Variants in THADA observed in about 807,000 individuals in gnomAD.
THADA encodes THADA armadillo repeat containing.
In THADA, 213 loss-of-function variants were observed where a neutral mutation model predicts 219.8. The observed-to-expected ratio is 0.97, with a 90% CI of 0.87 to 1.09. The LOEUF is 1.09. Ranked by LOEUF, THADA falls within the 50% of genes least tolerant of loss-of-function variation. THADA has a pLI of 0.00. For synonymous variants in THADA, 1,018 were observed against 828.9 expected, an observed-to-expected ratio of 1.23 and a Z score of -3.92; for missense variants, 2,956 against 2,311.3, an observed-to-expected ratio of 1.28 and a Z score of -5.72.
chr2:43,550,507 T>C (rs557607830), intron 19 of THADA, among the ~76,000 whole-genome samples: 5 of 152,284 alleles, frequency 3.3e-5, no homozygotes, highest in South Asian at 4.2e-4. Flanking sequence ...CAGGGGAGAC[T>C]TTCCTCATGC....
chr2:43,264,775 C>G (rs1356216832), intron 36 of THADA, among the ~76,000 whole-genome samples: 1 of 152,156 alleles, frequency 6.6e-6, no homozygotes, highest in Non-Finnish European at 1.5e-5. Context: ...AGGGTTAGAA[C>G]TAGCTGGAGA....
intron 23 of THADA, among the ~76,000 whole-genome samples, chr2:43,506,842 G>A (rs545794090): frequency 3.5e-4 from 54 of 152,232 alleles, no homozygotes; most frequent in African/African-American, 1.3e-3. Flanking sequence ...AAAGTTACAA[G>A]TTAGTTAGCT....
At chr2:43,366,869 G>C (rs1041599292) in intron 29 of THADA, among the ~76,000 whole-genome samples, 1 of 152,156 alleles carries the variant, frequency 6.6e-6, no homozygotes, top group Non-Finnish European at 1.5e-5. Context: ...ACAGCAGATT[G>C]TACAGCCATG....
rs558731311 is a variant in THADA, at chr2:43,503,293, C to T, written c.3621+2329G>A. Among the ~76,000 whole-genome samples the T allele has an allele frequency of 1.9e-3, 294 of 152,098 alleles. 4 individuals carry two copies. The highest frequency in any genetic ancestry group is 2.3e-3 in the Non-Finnish European group (157 of 67,974). ...CAGCATTGTTTGTAATAGAAGAAAA[C>T]GGGAAACAACCTAAATGTCCATTCA... On this transcript the variant is annotated intron_variant, in intron 24 of 37. Transcript: ENST00000405975.
At chr2:43,296,858 C>T (rs1430976054) in intron 31 of THADA, among the ~76,000 whole-genome samples, 2 of 146,990 alleles carry the variant, frequency 1.4e-5, no homozygotes, top group Non-Finnish European at 3.0e-5. Flanking sequence ...CGGGAGGCAG[C>T]GGCTGGAGGA....
chr2:43,535,167 C>A (rs1694395680), intron 21 of THADA, among the ~76,000 whole-genome samples: 1 of 115,510 alleles, frequency 8.7e-6, no homozygotes, highest in African/African-American at 3.6e-5. Context: ...GATCATTTGT[C>A]CTTTTTTTTT....
At position 43,574,735 on chromosome 2, in the gene THADA, G is replaced by C; in HGVS notation, c.1330C>G (p.Leu444Val). Residue 444 changes from leucine to valine, a missense_variant, in exon 11 of 38, where the codon CTT (leucine) becomes GTT (valine). Leu to Val is a conservative substitution (Grantham distance 32). Coordinates refer to ENST00000405975, the MANE Select transcript of THADA (RefSeq NM_022065.5). ...DPFFVELTES[L>V]LRLEWHIKGK... ...TTAATATGCCATTCCAATCGTAAAA[G>C]ACTCTCAGTCAATTCCACAAAGAAA... The C allele has an allele frequency of 6.2e-7, 1 of 1,614,026 alleles. No homozygotes were observed. Among genetic ancestry groups the C allele is most frequent in the East Asian group, 2.2e-5 (1 of 44,886 alleles).
intron 7 of THADA, among the ~76,000 whole-genome samples, chr2:43,585,562 AGATAGATAGATAGAT>A (rs1291901628): frequency 2.6e-4 from 40 of 151,322 alleles, no homozygotes; most frequent in African/African-American, 7.8e-4. Context: ...ATAGATAGAT[AGATAGATAGATAGAT>A]AGAAAGAAAT....
chr2:43,266,573 A>G (rs918550941), intron 36 of THADA, among the ~76,000 whole-genome samples: 2 of 152,214 alleles, frequency 1.3e-5, no homozygotes, highest in Admixed American at 6.5e-5. Flanking sequence ...ACTGCACTCC[A>G]GCCTGGGCGA....
Position 43,508,613 on chromosome 2 carries a change from T to A in THADA, c.3507+35A>T, listed in dbSNP as rs189179960. The A allele has an allele frequency of 6.1e-4, 982 of 1,601,648 alleles. 2 individuals are homozygous for A. The highest frequency in any genetic ancestry group is 1.2e-3 in the South Asian group (104 of 89,454). On this transcript the variant is annotated intron_variant, in intron 23 of 37. Coordinates refer to ENST00000405975, the MANE Select transcript of THADA (RefSeq NM_022065.5). ...GGATACACTATCATCAAAAGACAAA[T>A]ATAAACAAACAGCTAGGGTCCTACA...
intron 22 of THADA, among the ~76,000 whole-genome samples, chr2:43,509,034 T>C (rs1274951276): frequency 1.3e-5 from 2 of 152,192 alleles, no homozygotes; most frequent in African/African-American, 4.8e-5. Flanking sequence ...TACATGGGTT[T>C]GCATCCACAC....
chr2:43,340,864 G>C (rs1382542156), intron 30 of THADA, among the ~76,000 whole-genome samples: 1 of 152,176 alleles, frequency 6.6e-6, no homozygotes, highest in African/African-American at 2.4e-5. Flanking sequence ...GAGGGGGTGT[G>C]TCTGAGCATG....
chr2:43,358,724 C>A (rs998858963), intron 29 of THADA, among the ~76,000 whole-genome samples: 1 of 152,072 alleles, frequency 6.6e-6, no homozygotes, highest in Non-Finnish European at 1.5e-5. Context: ...CTTAACTGTA[C>A]CTAAAGGCCC....
chr2:43,549,658 G>A (rs1369677316), intron 19 of THADA, among the ~76,000 whole-genome samples: 2 of 152,100 alleles, frequency 1.3e-5, no homozygotes, highest in Non-Finnish European at 2.9e-5. Context: ...TCTTAGTGTT[G>A]TCTAAATATC....
At chr2:43,493,926 C>T (rs1485198964) in intron 25 of THADA, among the ~76,000 whole-genome samples, 3 of 152,344 alleles carry the variant, frequency 2.0e-5, no homozygotes, top group South Asian at 2.1e-4. Flanking sequence ...CTTTTACCTA[C>T]ATCAATCACA....
At chr2:43,434,130 T>C (rs148261075) in intron 26 of THADA, among the ~76,000 whole-genome samples, 3 of 152,284 alleles carry the variant, frequency 2.0e-5, no homozygotes, top group African/African-American at 7.2e-5. Flanking sequence ...ATTAGGACTA[T>C]GAGTACAAGT....
intron 36 of THADA, among the ~76,000 whole-genome samples, chr2:43,257,135 G>A (rs1333745939): frequency 1.3e-5 from 2 of 152,194 alleles, no homozygotes; most frequent in Non-Finnish European, 2.9e-5. Flanking sequence ...AAGGCAGACA[G>A]AGAGAATGGG....
intron 20 of THADA, among the ~76,000 whole-genome samples, chr2:43,548,508 T>C (rs1471722247): frequency 6.6e-6 from 1 of 152,206 alleles, no homozygotes; most frequent in Non-Finnish European, 1.5e-5. Context: ...CCTTGAGCTG[T>C]GGTGGGCTCC....
intron 28 of THADA, among the ~76,000 whole-genome samples, chr2:43,409,638 A>G (rs1159246737): frequency 6.6e-6 from 1 of 152,114 alleles, no homozygotes; most frequent in African/African-American, 2.4e-5. Flanking sequence ...TTCTTGCTGC[A>G]ATTTAATTTT....
Sources: gnomAD v4.1 joint callset for allele counts (sites outside exome capture counted in the v4.1 genomes callset) on GRCh38, gnomAD v4.1.1 for gene constraint, MANE v1.5 for transcripts, NCBI Gene and HGNC (gene_info 2026-07-23, HGNC 2026-07-21) for gene names.